Variants in MGAT5B observed in about 807,000 individuals in gnomAD.
MGAT5B encodes N-acetylglucosaminyl-transferase Vb.
Under a neutral mutation model 95.1 loss-of-function variants are expected in MGAT5B, and 54 were observed. The observed-to-expected ratio is 0.57, with a 90% CI of 0.46 to 0.71. The LOEUF (loss-of-function observed/expected upper bound fraction) is 0.71, where lower values mean the gene tolerates loss of function less well. MGAT5B is among the 30% of genes least tolerant of loss of function. MGAT5B has a pLI of 0.00. For synonymous variants in MGAT5B, 464 were observed against 451.0 expected, an observed-to-expected ratio of 1.03 and a Z score of -0.36; for missense variants, 935 against 1,088.6, an observed-to-expected ratio of 0.86 and a Z score of 1.99.
In MGAT5B at chr17:76,917,307, T is replaced by C. The variant is rs1968972098; in HGVS notation, c.1026-7659T>C. Among the ~76,000 whole-genome samples, 1 of 151,594 alleles carries C rather than the reference T, an allele frequency of 6.6e-6. No individual in the cohort carries two copies. The highest frequency in any genetic ancestry group is 6.6e-5 in the Admixed American group (1 of 15,220). ...GGGCCGTCCATAGTCATTTCTCAGC[T>C]GCCCCTGGCTTCACTTTCTTGTTGG... On this transcript the variant is annotated intron_variant, in intron 8 of 17. Coordinates refer to ENST00000569840, the MANE Select transcript of MGAT5B (RefSeq NM_001199172.2). This position sits in a 1 kb window ranked among gnomAD's most constrained non-coding sequence, Gnocchi z 6.1.
Position 76,916,633 on chromosome 17 carries a change from G to GA in MGAT5B, c.1026-8327dup, listed in dbSNP as rs1054785573. On this transcript the variant is annotated intron_variant, in intron 8 of 17. Transcript: ENST00000569840. This position sits in a 1 kb window ranked among gnomAD's most constrained non-coding sequence, Gnocchi z 5.3. ...GAGCAAGGAAACCTCATCTCTACAA[G>GA]AAAAAACTCAGAAAGAAATGAGGAG... Among the ~76,000 whole-genome samples, 3 of 152,170 alleles carry GA rather than the reference G, an allele frequency of 2.0e-5. No homozygotes were observed. The highest frequency in any genetic ancestry group is 7.2e-5 in the African/African-American group (3 of 41,446).
chr17:76,871,368 G>A (rs180872249), intron 1 of MGAT5B, among the ~76,000 whole-genome samples: 22 of 152,272 alleles, frequency 1.4e-4, no homozygotes, highest in Admixed American at 6.5e-4. Context: ...TGTCCCTTGC[G>A]CGGTCTTGCC....
chr17:76,933,296 A>G lies in MGAT5B; in HGVS notation c.1427A>G (p.Gln476Arg). Residue 476 changes from glutamine (Q) to arginine (R), a missense_variant and splice_region_variant, in exon 12 of 18, where the codon CAG (glutamine) becomes CGG (arginine). By Grantham distance (43) the Gln-to-Arg change is conservative. This residue lies in a region of MGAT5B where 440 missense variants were observed against 523.6 expected (regional missense o/e 0.84). Transcript: ENST00000569840. ...CTCCCCCTGGCCACGAGGCAGCTCC[A>G]GGTATGGAAACCGCTTGCCGCCTGC... ...YGKEASIWKL[Q>R]GKEKFLGILN... 7.5e-6 allele frequency: 12 copies of G among 1,598,300 alleles called. No homozygotes were observed. The highest frequency in any genetic ancestry group is 1.0e-5 in the Non-Finnish European group (12 of 1,179,746).
At chr17:76,948,237 A>T in intron 17 of MGAT5B, 151 bp downstream of exon 17, 3 of 1,416,634 alleles carry the variant, frequency 2.1e-6, no homozygotes, top group Non-Finnish European at 2.8e-6. Flanking sequence ...TCCAGAAGGG[A>T]TCCTCCAGGC....
chr17:76,925,925 C>T (rs190154478), intron 9 of MGAT5B, among the ~76,000 whole-genome samples: 9 of 152,218 alleles, frequency 5.9e-5, no homozygotes, highest in East Asian at 5.8e-4. Flanking sequence ...CCTCGGAGTT[C>T]GTCTGGCCCT....
chr17:76,924,924 T>C, intron 8 of MGAT5B, 42 bp from the exon 9 acceptor site: 1 of 1,609,160 alleles, frequency 6.2e-7, no homozygotes, highest in Non-Finnish European at 8.5e-7. Flanking sequence ...GTTGGGCAGG[T>C]GGGTTTCTTG....
At chr17:76,943,396 C>T (rs985831455) in intron 15 of MGAT5B, among the ~76,000 whole-genome samples, 7 of 152,046 alleles carry the variant, frequency 4.6e-5, no homozygotes, top group Admixed American at 2.6e-4. Flanking sequence ...ACAGCTCACC[C>T]CCTCAGCTCA....
Position 76,916,382 on chromosome 17 carries a change from T to TCTGGC in MGAT5B, c.1026-8575_1026-8571dup, listed in dbSNP as rs1968939916. Among the ~76,000 whole-genome samples the TCTGGC allele has an allele frequency of 6.6e-6, 1 of 152,202 alleles. No individual in the cohort carries two copies. Among genetic ancestry groups the TCTGGC allele is most frequent in the African/African-American group, 2.4e-5 (1 of 41,462 alleles). ...GCCGTGCCGTGTCGCCTTTCCCAGCTCTGGCCTGGCCTGTGTTGGGGAGGG... is the reference window on the plus strand; with the variant it reads ...GCCGTGCCGTGTCGCCTTTCCCAGCTCTGGCCTGGCCTGGCCTGTGTTGGGGAGGG... On this transcript the variant is annotated intron_variant, in intron 8 of 17. Transcript: ENST00000569840. This position sits in a 1 kb window ranked among gnomAD's most constrained non-coding sequence, Gnocchi z 5.3.
Position 76,870,267 on chromosome 17 carries a change from A to AC in MGAT5B, c.68+1174dup, listed in dbSNP as rs940663103. On this transcript the variant is annotated intron_variant, in intron 1 of 17. Coordinates refer to ENST00000569840, the MANE Select transcript of MGAT5B (RefSeq NM_001199172.2). This position sits in a 1 kb window ranked among gnomAD's most constrained non-coding sequence, Gnocchi z 5.0. ...GCCTGTCTGCTGGGCCGAGGAGGCA[A>AC]CCCCAGGGGACGGCAGGGGTCAGGC... Among the ~76,000 whole-genome samples the AC allele has an allele frequency of 2.0e-5, 3 of 151,760 alleles. No individual in the cohort carries two copies. Among genetic ancestry groups the AC allele is most frequent in the African/African-American group, 7.3e-5 (3 of 41,300 alleles).
chr17:76,871,757 G>T (rs927108012), intron 1 of MGAT5B, among the ~76,000 whole-genome samples: 1 of 152,180 alleles, frequency 6.6e-6, no homozygotes, highest in Non-Finnish European at 1.5e-5. Context: ...ACAAGATGGG[G>T]TTCCTCACCC....
chr17:76,920,413 G>C (rs901324368), intron 8 of MGAT5B, among the ~76,000 whole-genome samples: 7 of 152,206 alleles, frequency 4.6e-5, no homozygotes, highest in African/African-American at 1.7e-4. Context: ...AAGGTTGTCG[G>C]GGGACGGCAT....
chr17:76,898,339 T>TA (rs986762635), intron 3 of MGAT5B, among the ~76,000 whole-genome samples: 2 of 151,204 alleles, frequency 1.3e-5, no homozygotes, highest in African/African-American at 4.9e-5. Context: ...TTTATTTTTT[T>TA]TTTTTTTTGA....
intron 2 of MGAT5B, among the ~76,000 whole-genome samples, chr17:76,878,922 T>C (rs1007239963): frequency 9.2e-5 from 14 of 152,076 alleles, no homozygotes; most frequent in African/African-American, 3.4e-4. Flanking sequence ...TGAGGGTAAA[T>C]TGAGGCCAAG....
At chr17:76,886,723 T>C (rs1967643464) in intron 3 of MGAT5B, among the ~76,000 whole-genome samples, 1 of 152,128 alleles carries the variant, frequency 6.6e-6, no homozygotes, top group African/African-American at 2.4e-5. Flanking sequence ...AGTGGTGGGC[T>C]TGAACCCTGA....
intron 3 of MGAT5B, among the ~76,000 whole-genome samples, chr17:76,892,731 G>A (rs1967920949): frequency 1.3e-5 from 2 of 152,254 alleles, no homozygotes; most frequent in Admixed American, 6.5e-5. Flanking sequence ...GACAGCGCCT[G>A]CTCTCCCAGC....
rs1970122886 is a variant in MGAT5B at position 76,948,949 on chromosome 17, G to C, written c.*111G>C. ...CTTGTCCTCCTCGCAACCCCCCCAG[G>C]CCGGAGCTTCCTTCCTTAGCCGGGA... On this transcript the variant is annotated 3_prime_UTR_variant, in exon 18 of 18. Transcript: ENST00000569840. The C allele has an allele frequency of 1.6e-6, 2 of 1,221,834 alleles. No individual in the cohort carries two copies. The highest frequency in any genetic ancestry group is 2.2e-6 in the Non-Finnish European group (2 of 894,990). The allele number at this position is 1,221,834 out of a possible 1,614,324, so 75.7% of individuals were successfully genotyped here.
intron 3 of MGAT5B, chr17:76,882,672 A>G (rs987505361): frequency 6.1e-6 from 1 of 164,524 alleles, no homozygotes; most frequent in Admixed American, 6.4e-5. Flanking sequence ...AATTCCATGT[A>G]AGTGGCATCT....
chr17:76,885,303 C>T (rs1967585052), intron 3 of MGAT5B, among the ~76,000 whole-genome samples: 1 of 152,112 alleles, frequency 6.6e-6, no homozygotes, highest in Non-Finnish European at 1.5e-5. Context: ...AGTCCTTTGC[C>T]CCTCTTTCAT....
In MGAT5B at chr17:76,949,132, G is replaced by A. The variant is rs1970128201; in HGVS notation, c.*294G>A. 2 of 418,540 alleles carry A rather than the reference G, an allele frequency of 4.8e-6. No individual in the cohort carries two copies. The highest frequency in any genetic ancestry group is 7.3e-5 in the South Asian group (2 of 27,264). The allele number at this position is 418,540 out of a possible 1,614,324, so 25.9% of individuals were successfully genotyped here. Reference sequence around the variant, plus strand: ...CAGAGTCCGCATGGCCCAGGAGCAGGTGGTCGGAGGCCCCTGGCTTTGTGC... The same window carrying A: ...CAGAGTCCGCATGGCCCAGGAGCAGATGGTCGGAGGCCCCTGGCTTTGTGC... On this transcript the variant is annotated 3_prime_UTR_variant, in exon 18 of 18. Transcript: ENST00000569840.
Sources: gnomAD v4.1 joint callset for allele counts (sites outside exome capture counted in the v4.1 genomes callset) on GRCh38, gnomAD v4.1.1 for gene constraint, gnomAD v4.1.1 regional missense constraint, Gnocchi (gnomAD v3.1) non-coding constraint, MANE v1.5 for transcripts, NCBI Gene and HGNC (gene_info 2026-07-23, HGNC 2026-07-21) for gene names.